Variants in TMEM120B observed in about 807,000 individuals in gnomAD.
The protein encoded by TMEM120B is transmembrane protein 120B.
TMEM120B carries 31 observed loss-of-function variants against 55.5 expected under a neutral mutation model. The observed-to-expected ratio is 0.56, with a 90% CI of 0.42 to 0.75. The LOEUF (loss-of-function observed/expected upper bound fraction) is 0.75, where lower values mean the gene tolerates loss of function less well. TMEM120B is among the 30% of genes least tolerant of loss of function. TMEM120B has a pLI of 0.00. For synonymous variants in TMEM120B, 203 were observed against 176.3 expected, an observed-to-expected ratio of 1.15 and a Z score of -1.20; for missense variants, 399 against 425.5, an observed-to-expected ratio of 0.94 and a Z score of 0.55.
chr12:121,776,224 G>T lies in TMEM120B; in HGVS notation c.*502G>T, dbSNP rs1592952611. 2 of 253,642 alleles carry T rather than the reference G, an allele frequency of 7.9e-6. 1 individual carries two copies. The highest frequency in any genetic ancestry group is 1.1e-4 in the Admixed American group (2 of 18,154). 15.7% of individuals were successfully genotyped at this position (253,642 alleles called of 1,614,324 possible). ...CCCTCCTCGCCCACCCCGCCACGTG[G>T]TGAGGGTTATTTTAAGTTCTCAGAG... On this transcript the variant is annotated 3_prime_UTR_variant, in exon 12 of 12. Transcript: ENST00000449592.
chr12:121,723,800 C>G (rs1174895621), intron 1 of TMEM120B, among the ~76,000 whole-genome samples: 3 of 151,936 alleles, frequency 2.0e-5, no homozygotes, highest in Admixed American at 2.0e-4. Flanking sequence ...GTGTACTATT[C>G]CTTCTTTTCT....
intron 1 of TMEM120B, among the ~76,000 whole-genome samples, chr12:121,716,684 T>C (rs968482327): frequency 1.3e-5 from 2 of 150,320 alleles, no homozygotes; most frequent in African/African-American, 4.9e-5. Context: ...TGCCTCAGCC[T>C]CCTGAGTAGC....
At chr12:121,753,146 C>T (rs184618760) in intron 5 of TMEM120B, among the ~76,000 whole-genome samples, 4 of 151,964 alleles carry the variant, frequency 2.6e-5, no homozygotes, top group East Asian at 1.9e-4. Context: ...GTCACCAGTA[C>T]GGAGCCAGGC....
chr12:121,759,444 G>A (rs1303110856), intron 5 of TMEM120B, among the ~76,000 whole-genome samples: 3 of 152,002 alleles, frequency 2.0e-5, no homozygotes, highest in Non-Finnish European at 4.4e-5. Flanking sequence ...TTGAGAGGCC[G>A]AGGCAGGTGG....
At position 121,712,875 on chromosome 12, in the gene TMEM120B, G is replaced by A. The variant is rs376739587; in HGVS notation, c.-21G>A. ...CGCTGCGGGAGCAGCCGCCGGCACC[G>A]CCGCCTTGCACCATCGCATCATGTC... On this transcript the variant is annotated 5_prime_UTR_variant, in exon 1 of 12. Coordinates refer to ENST00000449592, the MANE Select transcript of TMEM120B (RefSeq NM_001080825.2). 104 of 1,473,716 alleles carry A rather than the reference G, an allele frequency of 7.1e-5. No homozygotes were observed. The highest frequency in any genetic ancestry group is 1.8e-4 in the Middle Eastern group (1 of 5,650). 91.3% of individuals were successfully genotyped at this position (1,473,716 alleles called of 1,614,324 possible). A position where few individuals can be genotyped will look rare whatever the true frequency, so the allele number is the denominator to read the frequency against.
At chr12:121,770,540 G>A (rs1874007093) in intron 6 of TMEM120B, among the ~76,000 whole-genome samples, 1 of 151,980 alleles carries the variant, frequency 6.6e-6, no homozygotes, top group South Asian at 2.1e-4. Flanking sequence ...CCTGCGTGCT[G>A]GGGAGAAGAC....
intron 1 of TMEM120B, among the ~76,000 whole-genome samples, chr12:121,733,641 A>T (rs1895046250): frequency 6.8e-6 from 1 of 147,628 alleles, no homozygotes; most frequent in Admixed American, 6.7e-5. Context: ...GGGTTCAAGC[A>T]ACTCTCATGC....
chr12:121,744,681 C>T (rs1217093239), intron 2 of TMEM120B, among the ~76,000 whole-genome samples: 2 of 152,182 alleles, frequency 1.3e-5, no homozygotes, highest in Admixed American at 6.5e-5. Flanking sequence ...CAGTGGATGC[C>T]GTGACCCCAT....
intron 1 of TMEM120B, among the ~76,000 whole-genome samples, chr12:121,732,421 A>G (rs576350540): frequency 1.3e-5 from 2 of 152,182 alleles, no homozygotes; most frequent in African/African-American, 4.8e-5. Context: ...TTACCCCTGA[A>G]ATGACTCTGG....
intron 2 of TMEM120B, among the ~76,000 whole-genome samples, chr12:121,746,851 G>C (rs1457518101): frequency 6.6e-6 from 1 of 152,014 alleles, no homozygotes; most frequent in African/African-American, 2.4e-5. Flanking sequence ...CCAGCTACTT[G>C]GGAGGCTGAG....
chr12:121,727,483 C>T (rs929253911), intron 1 of TMEM120B, among the ~76,000 whole-genome samples: 6 of 145,790 alleles, frequency 4.1e-5, no homozygotes, highest in African/African-American at 1.5e-4. Context: ...CTGTGGTGAG[C>T]TGTGATTGCA....
At chr12:121,742,164 G>A (rs1389504009) in intron 1 of TMEM120B, among the ~76,000 whole-genome samples, 2 of 151,850 alleles carry the variant, frequency 1.3e-5, no homozygotes, top group Admixed American at 6.6e-5. Context: ...CACCATGCCC[G>A]GCTGATTTTT....
chr12:121,773,569 C>T (rs1874134639), intron 9 of TMEM120B, 56 bp downstream of exon 9: 11 of 1,388,636 alleles, frequency 7.9e-6, no homozygotes, highest in Non-Finnish European at 1.1e-5. Context: ...GCCAGCTCCC[C>T]ACACCGGGAG....
chr12:121,751,470 G>C (rs986855082), intron 4 of TMEM120B, among the ~76,000 whole-genome samples: 1 of 149,010 alleles, frequency 6.7e-6, no homozygotes, highest in African/African-American at 2.5e-5. Flanking sequence ...CTGGCTCAGA[G>C]GCCTCCGGCA....
intron 5 of TMEM120B, among the ~76,000 whole-genome samples, chr12:121,756,039 A>G (rs529514093): frequency 1.3e-5 from 2 of 152,320 alleles, no homozygotes; most frequent in African/African-American, 4.8e-5. Flanking sequence ...GTAGTGTCCA[A>G]GAATCCAGAG....
chr12:121,724,080 C>T (rs556450844), intron 1 of TMEM120B, among the ~76,000 whole-genome samples: 22 of 142,386 alleles, frequency 1.5e-4, no homozygotes, highest in Non-Finnish European at 3.0e-4. Flanking sequence ...CACTGTCACC[C>T]AGGCTGGAGT....
intron 1 of TMEM120B, among the ~76,000 whole-genome samples, chr12:121,715,047 T>TCAGAGTGAGGCCCA (rs1227318221): frequency 1.3e-5 from 2 of 152,016 alleles, no homozygotes; most frequent in East Asian, 3.9e-4. Flanking sequence ...TCTTAACACT[T>TCAGAGTGAGGCCCA]CAGAGTGAGG....
chr12:121,746,189 A>C (rs188010174), intron 2 of TMEM120B, among the ~76,000 whole-genome samples: 3,253 of 114,548 alleles, frequency 0.028, 125 homozygotes, highest in African/African-American at 0.11. Flanking sequence ...CCGCCCCCCC[A>C]CTTTTTTTTT....
intron 8 of TMEM120B, among the ~76,000 whole-genome samples, 182 bp from the exon 9 acceptor site, chr12:121,773,239 G>A (rs1874119135): frequency 6.6e-6 from 1 of 152,212 alleles, no homozygotes; most frequent in Non-Finnish European, 1.5e-5. Context: ...GGCTAAAGCA[G>A]GTTCAGACCA....
Sources: allele counts gnomAD v4.1 joint callset (sites outside exome capture counted in the v4.1 genomes callset), GRCh38; gene constraint gnomAD v4.1.1; transcripts MANE v1.5; gene names NCBI Gene and HGNC (gene_info 2026-07-23, HGNC 2026-07-21).